The following TBC1D5 variants were observed in gnomAD, a reference collection of about 807,000 sequenced individuals.
TBC1D5 encodes the protein TBC1 domain family member 5, also known as TBC1 domain family, member 5.
Under a neutral mutation model 100.3 loss-of-function variants are expected in TBC1D5, and 75 were observed. The ratio of observed to expected loss-of-function variants is 0.75; its 90% CI spans 0.62 to 0.91. TBC1D5 has a LOEUF of 0.91. Among genes scored for constraint, TBC1D5 ranks in the 40% least tolerant of loss-of-function variants. The pLI is 0.00. For synonymous variants in TBC1D5, 323 were observed against 325.6 expected, an observed-to-expected ratio of 0.99 and a Z score of 0.09; for missense variants, 910 against 942.4, an observed-to-expected ratio of 0.97 and a Z score of 0.45.
chr3:17,206,876 G>A (rs1010609090), intron 18 of TBC1D5, among the ~76,000 whole-genome samples: 3 of 152,162 alleles, frequency 2.0e-5, no homozygotes, highest in Admixed American at 2.0e-4. Context: ...ACTTCTAGTT[G>A]GCTGGTGTGC....
At chr3:17,445,069 A>T (rs546594982) in intron 3 of TBC1D5, among the ~76,000 whole-genome samples, 58 of 152,272 alleles carry the variant, frequency 3.8e-4, no homozygotes, top group African/African-American at 1.4e-3. Context: ...ACTTGCCCTG[A>T]ATCTGTTTTC....
At chr3:17,686,959 T>C (rs1325363074) in intron 1 of TBC1D5, among the ~76,000 whole-genome samples, 1 of 152,058 alleles carries the variant, frequency 6.6e-6, no homozygotes, top group Non-Finnish European at 1.5e-5. Context: ...ACATGTATGG[T>C]TTTCCTATTA....
intron 13 of TBC1D5, among the ~76,000 whole-genome samples, chr3:17,348,828 C>T (rs1470106703): frequency 6.6e-6 from 1 of 152,086 alleles, no homozygotes; most frequent in Non-Finnish European, 1.5e-5. Flanking sequence ...TTATGAATAG[C>T]TTTGAAATAA....
intron 13 of TBC1D5, among the ~76,000 whole-genome samples, chr3:17,329,829 T>G (rs2086655485): frequency 6.6e-6 from 1 of 152,186 alleles, no homozygotes; most frequent in Non-Finnish European, 1.5e-5. Flanking sequence ...GTACTTTGGA[T>G]TCTATCACCC....
chr3:17,268,038 A>G (rs887239350), intron 15 of TBC1D5, among the ~76,000 whole-genome samples: 1 of 152,080 alleles, frequency 6.6e-6, no homozygotes, highest in East Asian at 1.9e-4. Flanking sequence ...TTTGAGTTGT[A>G]TTTTCCTGAG....
chr3:17,727,938 T>C (rs187428060), intron 1 of TBC1D5, among the ~76,000 whole-genome samples: 2 of 152,274 alleles, frequency 1.3e-5, no homozygotes, highest in Admixed American at 1.3e-4. Context: ...TACAAAGTAA[T>C]ATACAATAAA....
chr3:17,192,897 G>C (rs1250660263), intron 18 of TBC1D5, among the ~76,000 whole-genome samples: 2 of 152,232 alleles, frequency 1.3e-5, no homozygotes, highest in African/African-American at 4.8e-5. Context: ...CCGACAGGAT[G>C]GGTTTTCATA....
chr3:17,481,538 G>A (rs554156131), intron 3 of TBC1D5, among the ~76,000 whole-genome samples: 3 of 152,324 alleles, frequency 2.0e-5, no homozygotes, highest in African/African-American at 7.2e-5. Context: ...CTGGGCCACA[G>A]AGCGAGACCT....
chr3:17,321,984 C>T (rs1575323769), intron 13 of TBC1D5, among the ~76,000 whole-genome samples: 1 of 152,158 alleles, frequency 6.6e-6, no homozygotes, highest in Admixed American at 6.5e-5. Flanking sequence ...GCCTGATTTA[C>T]CATGAATTAC....
At chr3:17,268,196 T>C (rs1485612582) in intron 15 of TBC1D5, among the ~76,000 whole-genome samples, 1 of 152,126 alleles carries the variant, frequency 6.6e-6, no homozygotes, top group East Asian at 1.9e-4. Context: ...TAATCTTAGA[T>C]GTGAATTTCT....
chr3:17,592,762 C>A (rs781026425), intron 2 of TBC1D5, among the ~76,000 whole-genome samples: 1 of 152,138 alleles, frequency 6.6e-6, no homozygotes, highest in South Asian at 2.1e-4. Flanking sequence ...CTATTTGGAG[C>A]CTTTAGCAGG....
chr3:17,738,011 G>T (rs1290314845), intron 1 of TBC1D5, among the ~76,000 whole-genome samples: 1 of 152,148 alleles, frequency 6.6e-6, no homozygotes, highest in Non-Finnish European at 1.5e-5. Flanking sequence ...AAAAAAAGGT[G>T]ATCCTGTACT....
At chr3:17,491,390 GT>G (rs1189629654) in intron 3 of TBC1D5, among the ~76,000 whole-genome samples, 2 of 152,142 alleles carry the variant, frequency 1.3e-5, no homozygotes, top group African/African-American at 4.8e-5. Context: ...TCTTGTGCCG[GT>G]TTTCAAAGGG....
chr3:17,678,603 A>T (rs1269779726), intron 1 of TBC1D5, among the ~76,000 whole-genome samples: 3 of 149,362 alleles, frequency 2.0e-5, no homozygotes, highest in Non-Finnish European at 4.4e-5. Flanking sequence ...ACTCAACCTC[A>T]CACATCCCCC....
intron 1 of TBC1D5, among the ~76,000 whole-genome samples, chr3:17,737,578 A>G (rs1389341760): frequency 6.6e-6 from 1 of 152,216 alleles, no homozygotes; most frequent in Non-Finnish European, 1.5e-5. Flanking sequence ...AACCTAACAT[A>G]CTGTGATTAC....
At chr3:17,251,425 AC>A (rs67701407) in intron 16 of TBC1D5, among the ~76,000 whole-genome samples, 10,032 of 111,074 alleles carry the variant, frequency 0.09, 940 homozygotes, top group East Asian at 0.25. Context: ...ACTCACGGGA[AC>A]CCCCCCCCCC....
chr3:17,202,582 G>A (rs915099273), intron 18 of TBC1D5, among the ~76,000 whole-genome samples: 13 of 152,224 alleles, frequency 8.5e-5, no homozygotes, highest in African/African-American at 3.1e-4. Context: ...TCCATCACAG[G>A]CCTAGAGGCC....
intron 13 of TBC1D5, among the ~76,000 whole-genome samples, chr3:17,368,637 A>G (rs1464768286): frequency 6.6e-6 from 1 of 151,694 alleles, no homozygotes; most frequent in African/African-American, 2.4e-5. Context: ...TGGCTCATTC[A>G]TTATTGACAT....
chr3:17,178,756 C>T (rs1283692701), intron 19 of TBC1D5, among the ~76,000 whole-genome samples: 2 of 152,154 alleles, frequency 1.3e-5, no homozygotes, highest in Non-Finnish European at 2.9e-5. Context: ...CCTCCCAGCT[C>T]AGCTTCCTGA....
Sources: gnomAD v4.1 joint callset for allele counts (sites outside exome capture counted in the v4.1 genomes callset) on GRCh38, gnomAD v4.1.1 for gene constraint, MANE v1.5 for transcripts, NCBI Gene and HGNC (gene_info 2026-07-23, HGNC 2026-07-21) for gene names.